ACSBG2: variants seen among roughly 807,000 people sequenced by gnomAD.
The protein encoded by ACSBG2 is acyl-CoA synthetase bubblegum family member 2, also known as long-chain-fatty-acid--CoA ligase ACSBG2.
Under a neutral mutation model 74.7 loss-of-function variants are expected in ACSBG2, and 62 were observed. That is an observed-to-expected ratio of 0.83 (90% confidence interval 0.68 to 1.03). The LOEUF (loss-of-function observed/expected upper bound fraction) is 1.03. ACSBG2 is among the 50% of genes least tolerant of loss of function. ACSBG2 has a pLI of 0.00. For synonymous variants in ACSBG2, 309 were observed against 294.1 expected, an observed-to-expected ratio of 1.05 and a Z score of -0.52; for missense variants, 730 against 817.6, an observed-to-expected ratio of 0.89 and a Z score of 1.31.
rs1568262245 is a variant in ACSBG2 at position 6,190,800 on chromosome 19, T to TACATACACACACACACAC, written c.*35+111_*35+112insTACACACACACACACACA. ...ACTGGAACTGCAGAAAACACACACA[T>TACATACACACACACACAC]ACACACATACATACACACACACACA... On this transcript the variant is annotated intron_variant, in intron 14 of 14. Coordinates refer to ENST00000588485, the MANE Select transcript of ACSBG2 (RefSeq NM_030924.5). 1.3e-5 allele frequency: 3 copies of TACATACACACACACACAC among 237,252 alleles called. No individual in the cohort carries two copies. The East Asian group carries it at 9.4e-4, about 74-fold the overall frequency. 14.7% of individuals were successfully genotyped at this position (237,252 alleles called of 1,614,324 possible).
chr19:6,166,049 C>T (rs772784650), intron 7 of ACSBG2, 34 bp downstream of exon 7: 110 of 1,610,706 alleles, frequency 6.8e-5, no homozygotes, highest in Middle Eastern at 3.6e-4. Context: ...GGAGTGGTGG[C>T]CTTTGGGCTG....
At chr19:6,141,886 A>G (rs1196860072) in intron 2 of ACSBG2, among the ~76,000 whole-genome samples, 1 of 152,068 alleles carries the variant, frequency 6.6e-6, no homozygotes, top group Non-Finnish European at 1.5e-5. Flanking sequence ...GGTGCACACC[A>G]CCATGCCCAG....
intron 11 of ACSBG2, among the ~76,000 whole-genome samples, chr19:6,186,244 C>A (rs939729456): frequency 6.6e-6 from 1 of 152,072 alleles, no homozygotes; most frequent in Non-Finnish European, 1.5e-5. Flanking sequence ...TTTGGGTTCA[C>A]AAAACATGTG....
chr19:6,187,359 C>T lies in ACSBG2; in HGVS notation c.1617C>T (p.Ile539=). The part of the protein sequence containing the change: ...VETLVKKKIP[I]ISNAMLVGDK... ...CCTTGGTTAAGAAGAAGATCCCCAT[C>T]ATCAGTAACGCCATGTTAGTAGGAG... The change falls in exon 12 of 15, where the codon ATC becomes ATT. Residue 539 remains isoleucine, a synonymous_variant. Coordinates refer to ENST00000588485, the MANE Select transcript of ACSBG2 (RefSeq NM_030924.5). The T allele has an allele frequency of 6.2e-7, 1 of 1,614,156 alleles. No individual in the cohort carries two copies. Among genetic ancestry groups the T allele is most frequent in the South Asian group, 1.1e-5 (1 of 91,068 alleles).
intron 2 of ACSBG2, among the ~76,000 whole-genome samples, chr19:6,145,455 C>T (rs1242908733): frequency 6.6e-6 from 1 of 151,864 alleles, no homozygotes; most frequent in African/African-American, 2.4e-5. Flanking sequence ...AAGTAGCATC[C>T]CATCATAGGT....
chr19:6,179,787 A>C (rs1435373418), intron 8 of ACSBG2, among the ~76,000 whole-genome samples: 2 of 151,864 alleles, frequency 1.3e-5, no homozygotes, highest in African/African-American at 2.4e-5. Flanking sequence ...TAATTTTTGT[A>C]TTTTTAGTAG....
At chr19:6,165,666 G>T (rs1287521192) in intron 6 of ACSBG2, among the ~76,000 whole-genome samples, 200 bp from the exon 7 acceptor site, 1 of 152,210 alleles carries the variant, frequency 6.6e-6, no homozygotes, top group Non-Finnish European at 1.5e-5. Context: ...AGCTTAAGTG[G>T]CTTGGTGACG....
chr19:6,157,592 T>C (rs1568229508), intron 5 of ACSBG2, among the ~76,000 whole-genome samples: 1 of 151,996 alleles, frequency 6.6e-6, no homozygotes, highest in Admixed American at 6.6e-5. Flanking sequence ...AAACCATTTT[T>C]TTTTTGTAGA....
intron 4 of ACSBG2, among the ~76,000 whole-genome samples, chr19:6,152,230 G>C (rs963293411): frequency 1.3e-5 from 2 of 151,830 alleles, no homozygotes; most frequent in South Asian, 4.2e-4. Context: ...CTCCCAACTC[G>C]GCCTCCAGGG....
At chr19:6,139,555 T>C (rs1220102693) in intron 1 of ACSBG2, among the ~76,000 whole-genome samples, 1 of 152,222 alleles carries the variant, frequency 6.6e-6, no homozygotes, top group African/African-American at 2.4e-5. Flanking sequence ...ATGGAAACTT[T>C]TAGAGTTCAT....
chr19:6,152,595 G>C (rs1478113689), intron 4 of ACSBG2, among the ~76,000 whole-genome samples: 2 of 125,180 alleles, frequency 1.6e-5, no homozygotes, highest in East Asian at 4.5e-4. Flanking sequence ...TTGCTATGTT[G>C]CCCAGGCTGT....
intron 1 of ACSBG2, among the ~76,000 whole-genome samples, chr19:6,136,777 A>C (rs2088588049): frequency 6.6e-6 from 1 of 152,046 alleles, no homozygotes; most frequent in Non-Finnish European, 1.5e-5. Flanking sequence ...CACTTCGTGA[A>C]ATCGAATATT....
rs1222164884 is a variant in ACSBG2 at position 6,185,497 on chromosome 19, G to C, written c.1384G>C (p.Gly462Arg). The C allele has an allele frequency of 6.2e-7, 1 of 1,614,194 alleles. No individual in the cohort carries two copies. Among genetic ancestry groups the C allele is most frequent in the Non-Finnish European group, 8.5e-7 (1 of 1,180,034 alleles). The change falls in exon 11 of 15, where the codon GGG (glycine) becomes CGG (arginine). Residue 462 changes from glycine (G) to arginine (R), a missense_variant. Physicochemically the swap from Gly to Arg is moderately radical, Grantham distance 125 (BLOSUM62 -2). Transcript: ENST00000588485. Reference protein sequence around the residue: ...MLFQQNKDGIGEICLWGRHIF... With the variant: ...MLFQQNKDGIREICLWGRHIF... Reference sequence around the variant, plus strand: ...GTTCCAGCAGAACAAGGATGGCATTGGGGAGATCTGCCTCTGGGGTAGGCA... The same window carrying C: ...GTTCCAGCAGAACAAGGATGGCATTCGGGAGATCTGCCTCTGGGGTAGGCA...
chr19:6,176,304 G>A, intron 7 of ACSBG2: 2 of 1,387,522 alleles, frequency 1.4e-6, no homozygotes, highest in Non-Finnish European at 1.9e-6. Context: ...AGCAAAGTAT[G>A]TGAGCGCCCC....
chr19:6,187,193 C>T (rs1191359712), intron 11 of ACSBG2, 90 bp from the exon 12 acceptor site: 58 of 1,550,312 alleles, frequency 3.7e-5, no homozygotes, highest in African/African-American at 5.5e-5. Context: ...TTAGTAGAGA[C>T]GGGGTTTCAC....
In ACSBG2 at chr19:6,154,434, A is replaced by AGAGAG. The variant is rs1568226772; in HGVS notation, c.387-1997_387-1996insGAGAG. Reference sequence around the variant, plus strand: ...AGAGAGAGAGAGAGAGAGAGAGAGAAAATTATTATTATATATATAAAATAT... The same window carrying AGAGAG: ...AGAGAGAGAGAGAGAGAGAGAGAGAAGAGAGAATTATTATTATATATATAAAATAT... On this transcript the variant is annotated intron_variant, in intron 4 of 14. Transcript: ENST00000588485. Among the ~76,000 whole-genome samples, 127 of 38,202 alleles carry AGAGAG rather than the reference A, an allele frequency of 3.3e-3. 1 individual carries two copies. Among genetic ancestry groups the AGAGAG allele is most frequent in the African/African-American group, 4.6e-3 (117 of 25,584 alleles). 25.1% of individuals were successfully genotyped at this position (38,202 alleles called of 152,430 possible). A position where few individuals can be genotyped will look rare whatever the true frequency, so the allele number is the denominator to read the frequency against.
chr19:6,164,485 T>C (rs2089734378), intron 6 of ACSBG2, among the ~76,000 whole-genome samples: 1 of 146,628 alleles, frequency 6.8e-6, no homozygotes, highest in African/African-American at 2.6e-5. Context: ...CAGGCTGGAG[T>C]GCAGTGGCGT....
chr19:6,148,871 G>C (rs2089137249), intron 3 of ACSBG2, among the ~76,000 whole-genome samples: 1 of 152,078 alleles, frequency 6.6e-6, no homozygotes, highest in Admixed American at 6.6e-5. Flanking sequence ...GGGAGGCCAA[G>C]GTGGGCGGAT....
intron 14 of ACSBG2, chr19:6,191,021 G>A (rs1282113699): frequency 1.6e-5 from 3 of 187,696 alleles, no homozygotes; most frequent in Admixed American, 5.4e-5. Context: ...AATCCCAAAT[G>A]TCTCATTGGG....
Sources: allele counts gnomAD v4.1 joint callset (sites outside exome capture counted in the v4.1 genomes callset), GRCh38; gene constraint gnomAD v4.1.1; transcripts MANE v1.5; gene names NCBI Gene and HGNC (gene_info 2026-07-23, HGNC 2026-07-21).